CENPP: variants seen among roughly 807,000 people sequenced by gnomAD.
The protein encoded by CENPP is centromere protein P.
CENPP carries 24 observed loss-of-function variants against 35.6 expected under a neutral mutation model. The observed-to-expected ratio is 0.67, with a 90% confidence interval of 0.49 to 0.95. The LOEUF is 0.95. Among genes scored for constraint, CENPP ranks in the 40% least tolerant of loss-of-function variants. The pLI, the probability that CENPP is intolerant of heterozygous loss-of-function variation, is 0.00. For synonymous variants in CENPP, 120 were observed against 125.5 expected (o/e 0.96, Z 0.29); for missense variants, 332 against 345.3 (o/e 0.96, Z 0.31).
chr9:92,445,005 G>C (rs1051136170), intron 5 of CENPP, among the ~76,000 whole-genome samples: 1 of 152,132 alleles, frequency 6.6e-6, no homozygotes, highest in South Asian at 2.1e-4. Context: ...TTCCCCTAGG[G>C]CCAACGTCTC....
chr9:92,518,838 A>C (rs918115014), intron 5 of CENPP, among the ~76,000 whole-genome samples: 7 of 152,168 alleles, frequency 4.6e-5, no homozygotes, highest in African/African-American at 1.7e-4. Context: ...GCAGTGAGCC[A>C]AGATCGTTCC....
At chr9:92,530,683 T>G (rs909094214) in intron 5 of CENPP, among the ~76,000 whole-genome samples, 7 of 152,204 alleles carry the variant, frequency 4.6e-5, no homozygotes, top group Non-Finnish European at 8.8e-5. Context: ...TGTCTAATAT[T>G]AATGTAGTTG....
chr9:92,410,005 C>T (rs943254147), intron 5 of CENPP, among the ~76,000 whole-genome samples: 9 of 152,090 alleles, frequency 5.9e-5, no homozygotes, highest in East Asian at 1.9e-4. Flanking sequence ...GGTTCAATCT[C>T]GGCTCACTGC....
chr9:92,415,607 G>T (rs1843568881), intron 5 of CENPP: 2 of 419,598 alleles, frequency 4.8e-6, no homozygotes, highest in Non-Finnish European at 7.9e-6. Flanking sequence ...AATTGAATTA[G>T]GTTTCCTTTT....
intron 4 of CENPP, among the ~76,000 whole-genome samples, chr9:92,364,163 C>T (rs1841829867): frequency 6.7e-6 from 1 of 150,314 alleles, no homozygotes; most frequent in South Asian, 2.1e-4. Flanking sequence ...CCTGTTGTTT[C>T]TTGTAGTGAA....
At chr9:92,499,553 A>G (rs985397462) in intron 5 of CENPP, among the ~76,000 whole-genome samples, 4 of 152,218 alleles carry the variant, frequency 2.6e-5, no homozygotes, top group Admixed American at 2.0e-4. Flanking sequence ...CAATCCAGTG[A>G]TCAATTTTAG....
At chr9:92,522,857 C>T in intron 5 of CENPP, 1 of 1,601,794 alleles carries the variant, frequency 6.2e-7, no homozygotes, top group Non-Finnish European at 8.5e-7. Flanking sequence ...AACAAAACTG[C>T]AATCTTCATG....
At chr9:92,327,361 A>T (rs4743871) in intron 1 of CENPP, among the ~76,000 whole-genome samples, 16,420 of 152,238 alleles carry the variant, frequency 0.11, 1,052 homozygotes, top group South Asian at 0.21. Flanking sequence ...GCATAGTCTC[A>T]GGCAAAGCAG....
chr9:92,611,071 GT>G, intron 5 of CENPP: 1 of 586,428 alleles, frequency 1.7e-6, no homozygotes. Context: ...CTGTAGGGAG[GT>G]TATGTACAAT....
At chr9:92,373,269 A>T (rs1253118375) in intron 4 of CENPP, among the ~76,000 whole-genome samples, 1 of 151,296 alleles carries the variant, frequency 6.6e-6, no homozygotes, top group East Asian at 1.9e-4. Flanking sequence ...TTTATTTAAA[A>T]ATATATATAT....
chr9:92,331,716 G>A lies in CENPP; in HGVS notation c.108-454G>A, dbSNP rs529068622. Among the ~76,000 whole-genome samples the A allele has an allele frequency of 6.0e-4, 91 of 152,314 alleles. 1 individual carries two copies. The highest frequency in any genetic ancestry group is 1.7e-3 in the African/African-American group (72 of 41,568). ...GTGGATCACGCCTGTAATCCAGCAC[G>A]CTGGGAGACTGAGGCGGGAGGATTG... is the stretch of plus-strand genomic sequence containing the variant. On this transcript the variant is annotated intron_variant, in intron 1 of 7. Coordinates refer to ENST00000375587, the MANE Select transcript of CENPP (RefSeq NM_001012267.3).
chr9:92,442,271 G>T (rs1440532778), intron 5 of CENPP, among the ~76,000 whole-genome samples: 1 of 151,612 alleles, frequency 6.6e-6, no homozygotes, highest in Non-Finnish European at 1.5e-5. Context: ...GGTGGCGCAT[G>T]CCTGTAATCC....
intron 5 of CENPP, among the ~76,000 whole-genome samples, chr9:92,569,079 A>G (rs1405448464): frequency 6.6e-6 from 1 of 152,124 alleles, no homozygotes; most frequent in Non-Finnish European, 1.5e-5. Flanking sequence ...GAAGCACTTT[A>G]GTTTAGTAGA....
intron 5 of CENPP, among the ~76,000 whole-genome samples, chr9:92,448,364 G>C (rs1232503363): frequency 4.6e-5 from 7 of 151,748 alleles, no homozygotes; most frequent in Admixed American, 4.6e-4. Flanking sequence ...CTGCCTCCCA[G>C]GTTCAAGCGA....
At chr9:92,610,505 T>C (rs1851209002) in intron 5 of CENPP, 1 of 152,264 alleles carries the variant, frequency 6.6e-6, no homozygotes, top group South Asian at 2.1e-4. Context: ...AGCTAGAGGC[T>C]ACCAGGTCCT....
Position 92,379,804 on chromosome 9 carries a change from T to C in CENPP, c.509T>C (p.Leu170Pro), listed in dbSNP as rs983950200. ...RKDLFMFFRS[L>P]HFFVEWFEYR... is the part of the protein sequence containing the mutation. ...GATCTGTTCATGTTTTTCCGAAGCC[T>C]GCATTTTTTTGTGGAGTGGTTTGAA... is the stretch of plus-strand genomic sequence containing the variant. Residue 170 changes from leucine (L) to proline (P), a missense_variant, in exon 5 of 8, where the codon CTG becomes CCG. Coordinates refer to ENST00000375587, the MANE Select transcript of CENPP (RefSeq NM_001012267.3). 1 of 1,613,634 alleles carries C rather than the reference T, an allele frequency of 6.2e-7. No individual in the cohort carries two copies. Among genetic ancestry groups the C allele is most frequent in the Non-Finnish European group, 8.5e-7 (1 of 1,179,602 alleles).
At chr9:92,457,095 T>C in intron 5 of CENPP, 1 of 1,370,364 alleles carries the variant, frequency 7.3e-7, no homozygotes, top group East Asian at 2.8e-5. Flanking sequence ...CTTGTTTCTC[T>C]CAACCCTTAT....
intron 5 of CENPP, chr9:92,494,204 G>C (rs1470205169): frequency 1.2e-5 from 18 of 1,556,804 alleles, no homozygotes; most frequent in Non-Finnish European, 1.6e-5. Flanking sequence ...ATCTGTCTCT[G>C]TGTCATCCCA....
intron 5 of CENPP, among the ~76,000 whole-genome samples, chr9:92,516,393 T>TA (rs1847724222): frequency 6.6e-6 from 1 of 152,180 alleles, no homozygotes. Flanking sequence ...CATCAAGATT[T>TA]AAAAATTTAC....
Sources: gnomAD v4.1 joint callset for allele counts (sites outside exome capture counted in the v4.1 genomes callset) on GRCh38, gnomAD v4.1.1 for gene constraint, MANE v1.5 for transcripts, NCBI Gene and HGNC (gene_info 2026-07-23, HGNC 2026-07-21) for gene names.